Variants in MDGA2 observed in about 807,000 individuals in gnomAD.
The protein encoded by MDGA2 is MAM domain containing glycosylphosphatidylinositol anchor 2.
MDGA2 carries 40 observed loss-of-function variants against 117.8 expected under a neutral mutation model. The ratio of observed to expected loss-of-function variants is 0.34; its 90% CI spans 0.26 to 0.44. The LOEUF is 0.44. MDGA2 is among the 20% of genes least tolerant of loss of function. MDGA2 has a pLI of 1.00. For missense variants in MDGA2, 1,123 were observed against 1,250.6 expected (o/e 0.90, Z 1.54); for synonymous variants, 452 against 439.0 (o/e 1.03, Z -0.37).
chr14:46,892,186 C>G (rs554411151), intron 10 of MDGA2, among the ~76,000 whole-genome samples: 2 of 151,630 alleles, frequency 1.3e-5, no homozygotes, highest in South Asian at 2.1e-4. Flanking sequence ...ACAAATGGAA[C>G]AGAGAGCCTA....
intron 1 of MDGA2, among the ~76,000 whole-genome samples, chr14:47,370,073 G>GT (rs1891312671): frequency 6.6e-6 from 1 of 151,322 alleles, no homozygotes; most frequent in Admixed American, 6.6e-5. Flanking sequence ...TTCTTTTTTC[G>GT]TTTTTTTCTC....
At chr14:47,580,007 G>C (rs1168440393) in intron 1 of MDGA2, among the ~76,000 whole-genome samples, 1 of 151,928 alleles carries the variant, frequency 6.6e-6, no homozygotes, top group Non-Finnish European at 1.5e-5. Flanking sequence ...TTATATTACA[G>C]ATGTGAAAGC....
At chr14:47,293,722 A>G (rs1888967376) in intron 2 of MDGA2, among the ~76,000 whole-genome samples, 1 of 152,220 alleles carries the variant, frequency 6.6e-6, no homozygotes, top group African/African-American at 2.4e-5. Context: ...GATTGTTCAT[A>G]AAATTAAACA....
chr14:47,164,750 G>A (rs1205002919), intron 3 of MDGA2, among the ~76,000 whole-genome samples: 1 of 152,030 alleles, frequency 6.6e-6, no homozygotes, highest in African/African-American at 2.4e-5. Flanking sequence ...CCCATTACTG[G>A]GTATATACCC....
intron 1 of MDGA2, among the ~76,000 whole-genome samples, chr14:47,373,148 TCA>T (rs896181433): frequency 6.6e-6 from 1 of 152,042 alleles, no homozygotes. Context: ...TTATCTTTGA[TCA>T]TTTGGAGAGT....
intron 3 of MDGA2, among the ~76,000 whole-genome samples, chr14:47,162,023 G>GC (rs937050685): frequency 8.3e-6 from 1 of 120,290 alleles, no homozygotes; most frequent in African/African-American, 3.2e-5. Flanking sequence ...CCGGCTCACT[G>GC]CAACCTCCAC....
chr14:46,908,698 A>C (rs949907189), intron 10 of MDGA2, among the ~76,000 whole-genome samples: 1 of 152,188 alleles, frequency 6.6e-6, no homozygotes, highest in Non-Finnish European at 1.5e-5. Context: ...CCTGAACATA[A>C]TTTAGGGTTA....
chr14:46,852,403 C>T (rs1423374257), intron 15 of MDGA2, among the ~76,000 whole-genome samples: 1 of 151,030 alleles, frequency 6.6e-6, no homozygotes, highest in Non-Finnish European at 1.5e-5. Flanking sequence ...GAAGGTGAAA[C>T]CTGGTAGAAA....
intron 6 of MDGA2, among the ~76,000 whole-genome samples, chr14:47,069,610 T>C (rs952248263): frequency 2.0e-5 from 3 of 152,178 alleles, no homozygotes; most frequent in Non-Finnish European, 4.4e-5. Flanking sequence ...TTGAGAAAGG[T>C]AGGATTTTTC....
intron 1 of MDGA2, among the ~76,000 whole-genome samples, chr14:47,455,701 G>C (rs1893335147): frequency 6.6e-6 from 1 of 152,004 alleles, no homozygotes; most frequent in Non-Finnish European, 1.5e-5. Context: ...TTAAATATTA[G>C]AGTATGAGTG....
chr14:47,569,507 G>T (rs1044483085), intron 1 of MDGA2, among the ~76,000 whole-genome samples: 9 of 152,122 alleles, frequency 5.9e-5, no homozygotes. Context: ...ACAGTCCCAG[G>T]TCAAGTTCTC....
At chr14:47,358,874 A>G (rs1891051274) in intron 1 of MDGA2, among the ~76,000 whole-genome samples, 1 of 152,190 alleles carries the variant, frequency 6.6e-6, no homozygotes, top group Admixed American at 6.5e-5. Context: ...TATTGTTAAA[A>G]TGTCCATACT....
At chr14:47,142,106 C>T (rs963195449) in intron 4 of MDGA2, among the ~76,000 whole-genome samples, 2 of 152,094 alleles carry the variant, frequency 1.3e-5, no homozygotes, top group Non-Finnish European at 2.9e-5. Context: ...CTGGCCAAGG[C>T]CCCTGTGTTC....
chr14:47,124,660 C>A (rs982873484), intron 5 of MDGA2, among the ~76,000 whole-genome samples: 1 of 151,966 alleles, frequency 6.6e-6, no homozygotes, highest in Non-Finnish European at 1.5e-5. Flanking sequence ...GGAGATAGGG[C>A]TTTTACAGAG....
At position 46,841,810 on chromosome 14, in the gene MDGA2, T is replaced by A; in HGVS notation, c.*121A>T. The stretch of plus-strand genomic sequence containing the variant: ...AAAAAAATTTGTTTTTATTATTTTA[T>A]TTTTGAGTCAGTAGTCAGTGGAGGA... On this transcript the variant is annotated 3_prime_UTR_variant, in exon 17 of 17. Coordinates refer to ENST00000399232, the MANE Select transcript of MDGA2 (RefSeq NM_001113498.3). 11 of 618,414 alleles carry A rather than the reference T, an allele frequency of 1.8e-5. No individual in the cohort carries two copies. The South Asian group carries it at 3.3e-4, about 19-fold the overall frequency. The allele number at this position is 618,414 out of a possible 1,614,324, so 38.3% of individuals were successfully genotyped here.
At chr14:47,050,478 C>G (rs1466668749) in intron 7 of MDGA2, among the ~76,000 whole-genome samples, 1 of 152,030 alleles carries the variant, frequency 6.6e-6, no homozygotes, top group African/African-American at 2.4e-5. Context: ...GTTCACAAAA[C>G]TGCATGCTTA....
At chr14:46,850,726 C>A (rs1237562077) in intron 15 of MDGA2, among the ~76,000 whole-genome samples, 1 of 151,762 alleles carries the variant, frequency 6.6e-6, no homozygotes, top group Non-Finnish European at 1.5e-5. Flanking sequence ...GGGAAACTAC[C>A]CAAATATGAA....
chr14:47,151,429 G>C (rs924817727), intron 3 of MDGA2, among the ~76,000 whole-genome samples: 1 of 152,106 alleles, frequency 6.6e-6, no homozygotes. Flanking sequence ...TTTATGATAA[G>C]GACTTGAAGT....
chr14:47,468,853 G>A (rs1372518115), intron 1 of MDGA2, among the ~76,000 whole-genome samples: 1 of 151,998 alleles, frequency 6.6e-6, no homozygotes, highest in Non-Finnish European at 1.5e-5. Flanking sequence ...GGAATCTTGA[G>A]AATTTACTAG....
Sources: gnomAD v4.1 joint callset for allele counts (sites outside exome capture counted in the v4.1 genomes callset) on GRCh38, gnomAD v4.1.1 for gene constraint, MANE v1.5 for transcripts, NCBI Gene and HGNC (gene_info 2026-07-23, HGNC 2026-07-21) for gene names.